SYNRG: variants seen among roughly 807,000 people sequenced by gnomAD.
The protein encoded by SYNRG is AP1 gamma subunit binding protein 1.
SYNRG carries 37 observed loss-of-function variants against 130.9 expected under a neutral mutation model. That is an observed-to-expected ratio of 0.28 (90% confidence interval 0.22 to 0.37). The LOEUF (loss-of-function observed/expected upper bound fraction) is 0.37. Ranked by LOEUF, SYNRG falls within the 10% of genes least tolerant of loss-of-function variation. The pLI is 1.00. For synonymous variants in SYNRG, 539 were observed against 568.1 expected, an observed-to-expected ratio of 0.95 and a Z score of 0.73; for missense variants, 1,338 against 1,588.9, an observed-to-expected ratio of 0.84 and a Z score of 2.68.
Position 37,536,122 on chromosome 17 carries a change from C to G in SYNRG, c.3523G>C (p.Val1175Leu). 2 of 1,610,052 alleles carry G rather than the reference C, an allele frequency of 1.2e-6. No individual in the cohort carries two copies. The highest frequency in any genetic ancestry group is 1.7e-6 in the Non-Finnish European group (2 of 1,177,970). ...CGCTTGGTTACCCTGTACACTTCAA[C>G]AACACCTGACGGGATGAGAGAGCAG... ...AQGMEYLLGVVEVYRVTKRVE... is the reference protein window; with the variant it reads ...AQGMEYLLGVLEVYRVTKRVE... Residue 1175 changes from valine (V) to leucine (L), a missense_variant, in exon 19 of 22, where the codon GTT becomes CTT. Physicochemically the swap from Val to Leu is conservative, Grantham distance 32. Around this residue, in one of 3 missense-constraint regions of SYNRG, gnomAD observed 1,146 missense variants for 1,342.3 expected, o/e 0.85. Transcript: ENST00000612223.
rs374846392 is a variant in SYNRG at position 37,561,506 on chromosome 17, G to A, written c.1565C>T (p.Ala522Val). 2 of 1,613,600 alleles carry A rather than the reference G, an allele frequency of 1.2e-6. No homozygotes were observed. The highest frequency in any genetic ancestry group is 1.7e-6 in the Non-Finnish European group (2 of 1,179,700). The change falls in exon 12 of 22, where the codon GCT (alanine) becomes GTT (valine). Residue 522 changes from alanine (A) to valine (V), a missense_variant. Ala to Val is a moderately conservative substitution (Grantham distance 64). This residue lies in a region of SYNRG where 1,146 missense variants were observed against 1,342.3 expected (regional missense o/e 0.85). Coordinates refer to ENST00000612223, the MANE Select transcript of SYNRG (RefSeq NM_007247.6). ...AACAGTATTTTCAGAGGACTTGTCA[G>A]CTGCAATTCCTTTAAACACAGCATA... Reference protein sequence around the residue: ...DKYAVFKGIAADKSSENTVPP... With the variant: ...DKYAVFKGIAVDKSSENTVPP...
At chr17:37,565,534 C>A (rs2059875116) in intron 11 of SYNRG, among the ~76,000 whole-genome samples, 1 of 151,458 alleles carries the variant, frequency 6.6e-6, no homozygotes, top group Non-Finnish European at 1.5e-5. Context: ...GCCCCTCTGC[C>A]TGGCTGCCCA....
intron 3 of SYNRG, among the ~76,000 whole-genome samples, chr17:37,590,874 C>A (rs1323295889): frequency 2.6e-5 from 4 of 151,980 alleles, no homozygotes; most frequent in Non-Finnish European, 4.4e-5. Flanking sequence ...GAGTCGAGAT[C>A]GCGCCACTGC....
chr17:37,541,445 A>T (rs2057751735), intron 15 of SYNRG: 1 of 168,922 alleles, frequency 5.9e-6, no homozygotes, highest in African/African-American at 2.4e-5. Flanking sequence ...GGGACTGTAG[A>T]CCTACTAGTG....
intron 8 of SYNRG, among the ~76,000 whole-genome samples, chr17:37,574,255 T>C (rs1568443723): frequency 6.6e-6 from 1 of 151,958 alleles, no homozygotes; most frequent in Non-Finnish European, 1.5e-5. Context: ...AAAAATCAAA[T>C]GGAAATGAAT....
In SYNRG at chr17:37,561,235, A is replaced by G. The variant is rs1314678389; in HGVS notation, c.1623T>C (p.Ala541=). The stretch of plus-strand genomic sequence containing the variant: ...CTGCTGTCTGTTCAAGTTCTCTGAA[A>G]GCACTATATTTATCACCAGGATCTA... ...PPGDPGDKYS[A]FRELEQTAEN... Residue 541 remains alanine (A), a synonymous_variant, in exon 13 of 22, where the codon GCT becomes GCC. Coordinates refer to ENST00000612223, the MANE Select transcript of SYNRG (RefSeq NM_007247.6). 7 of 1,613,938 alleles carry G rather than the reference A, an allele frequency of 4.3e-6. No individual in the cohort carries two copies. The South Asian group carries it at 7.7e-5, about 18-fold the overall frequency.
chr17:37,575,436 T>C (rs1196555782), intron 8 of SYNRG, among the ~76,000 whole-genome samples: 6 of 149,678 alleles, frequency 4.0e-5, no homozygotes, highest in South Asian at 2.2e-4. Context: ...TATACAATTA[T>C]GTAGCCACAA....
chr17:37,596,317 C>T lies in SYNRG; in HGVS notation c.146G>A (p.Gly49Glu). The change falls in exon 3 of 22, where the codon GGA becomes GAA. Residue 49 changes from glycine to glutamate, a missense_variant. Gly to Glu is a moderately conservative substitution (Grantham distance 98). Around this residue, in one of 3 missense-constraint regions of SYNRG, gnomAD observed 184 missense variants for 217.2 expected, o/e 0.85. Coordinates refer to ENST00000612223, the MANE Select transcript of SYNRG (RefSeq NM_007247.6). ...QAGLMPMQQQGFPMVSVMQPN... is the reference protein window; with the variant it reads ...QAGLMPMQQQEFPMVSVMQPN... ...CTGCATGACAGAGACCATAGGAAAT[C>T]CTTGTTGCTGCATCGGCATCAGGCC... 1 of 1,614,072 alleles carries T rather than the reference C, an allele frequency of 6.2e-7. No individual in the cohort carries two copies. The highest frequency in any genetic ancestry group is 8.5e-7 in the Non-Finnish European group (1 of 1,179,986).
Position 37,514,897 on chromosome 17 carries a change from A to ATGTC in SYNRG, c.*4039_*4042dup, listed in dbSNP as rs369790280. ...AATATTTTAAAGGTAAAGCTTTATA[A>ATGTC]TGTCTAAACACATCAATTAGAGCAG... On this transcript the variant is annotated 3_prime_UTR_variant, in exon 22 of 22. Coordinates refer to ENST00000612223, the MANE Select transcript of SYNRG (RefSeq NM_007247.6). The ATGTC allele has an allele frequency of 5.9e-5, 9 of 152,224 alleles. No homozygotes were observed. Among genetic ancestry groups the ATGTC allele is most frequent in the African/African-American group, 2.2e-4 (9 of 41,452 alleles). The allele number at this position is 152,224 out of a possible 1,614,324, so 9.4% of individuals were successfully genotyped here.
At chr17:37,590,167 CAA>C (rs539326843) in intron 3 of SYNRG, among the ~76,000 whole-genome samples, 23 of 80,048 alleles carry the variant, frequency 2.9e-4, no homozygotes, top group Admixed American at 3.6e-4. Context: ...GACTCTGTCT[CAA>C]AAAAAAAAAA....
intron 8 of SYNRG, among the ~76,000 whole-genome samples, chr17:37,575,922 T>C (rs939476965): frequency 6.6e-6 from 1 of 151,980 alleles, no homozygotes; most frequent in Non-Finnish European, 1.5e-5. Flanking sequence ...GGTCTTTTAT[T>C]TCATATAGTA....
Position 37,570,843 on chromosome 17 carries a change from G to A in SYNRG, c.1141C>T (p.Pro381Ser), listed in dbSNP as rs371143348. 6 of 1,614,190 alleles carry A rather than the reference G, an allele frequency of 3.7e-6. No homozygotes were observed. The highest frequency in any genetic ancestry group is 1.1e-5 in the South Asian group (1 of 91,084). Residue 381 changes from proline to serine, a missense_variant, in exon 10 of 22, where the codon CCA becomes TCA. Transcript: ENST00000612223. Reference sequence around the variant, plus strand: ...CTTAAAGTTGGAATAGGAGCTGCTGGGAACTGGTTTAAAGCATCAGGACTC... The same window carrying A: ...CTTAAAGTTGGAATAGGAGCTGCTGAGAACTGGTTTAAAGCATCAGGACTC... ...AMSPDALNQF[P>S]AAPIPTLSGF...
In SYNRG at chr17:37,600,184, T is replaced by C. The variant is rs143580030; in HGVS notation, c.118+179A>G. The stretch of plus-strand genomic sequence containing the variant: ...GAGTGATCCTTATTACTCCCAAAAT[T>C]ATATAATTTTTGAGAAAATTTAAGA... On this transcript the variant is annotated intron_variant, in intron 2 of 21. Coordinates refer to ENST00000612223, the MANE Select transcript of SYNRG (RefSeq NM_007247.6). Among the ~76,000 whole-genome samples the C allele has an allele frequency of 3.7e-3, 570 of 152,356 alleles. 2 individuals are homozygous for C. Among genetic ancestry groups the C allele is most frequent in the Non-Finnish European group, 6.3e-3 (426 of 68,040 alleles).
chr17:37,600,676 C>A, intron 1 of SYNRG: 2 of 549,086 alleles, frequency 3.6e-6, no homozygotes, highest in South Asian at 4.2e-5. Context: ...TCCAGTTTCC[C>A]CATCTATAAA....
intron 16 of SYNRG, among the ~76,000 whole-genome samples, 199 bp downstream of exon 16, chr17:37,540,181 A>G (rs1296923105): frequency 6.6e-6 from 1 of 152,216 alleles, no homozygotes; most frequent in Non-Finnish European, 1.5e-5. Flanking sequence ...GATTAGTTTC[A>G]GTGGGTGCCA....
At chr17:37,588,818 T>C (rs1404224703) in intron 3 of SYNRG, among the ~76,000 whole-genome samples, 1 of 150,732 alleles carries the variant, frequency 6.6e-6, no homozygotes, top group Non-Finnish European at 1.5e-5. Flanking sequence ...AGATTAAAAA[T>C]AAGGCAAAGT....
chr17:37,577,308 A>G (rs1251805547), intron 7 of SYNRG, 72 bp downstream of exon 7: 1 of 1,366,182 alleles, frequency 7.3e-7, no homozygotes, highest in Non-Finnish European at 1.0e-6. Context: ...TTTGAAGATT[A>G]ATGCTTAAGG....
chr17:37,588,984 G>A (rs1285704466), intron 3 of SYNRG, among the ~76,000 whole-genome samples: 4 of 152,128 alleles, frequency 2.6e-5, no homozygotes, highest in African/African-American at 9.7e-5. Flanking sequence ...ACTTTTAACA[G>A]ACTTTTGAAA....
chr17:37,548,176 A>G (rs1283605375), intron 14 of SYNRG, among the ~76,000 whole-genome samples: 1 of 152,198 alleles, frequency 6.6e-6, no homozygotes, highest in Non-Finnish European at 1.5e-5. Flanking sequence ...TGACAAAGAA[A>G]TTCCTCAGTC....
Sources: allele counts gnomAD v4.1 joint callset (sites outside exome capture counted in the v4.1 genomes callset), GRCh38; gene constraint gnomAD v4.1.1; regional missense constraint gnomAD v4.1.1; transcripts MANE v1.5; gene names NCBI Gene and HGNC (gene_info 2026-07-23, HGNC 2026-07-21).